Variants in GPHN observed in about 807,000 individuals in gnomAD.
GPHN encodes the protein gephyrin.
A neutral mutation model predicts 95.5 loss-of-function variants in GPHN; 17 were observed. The observed-to-expected ratio is 0.18, with a 90% CI of 0.12 to 0.27. GPHN has a LOEUF of 0.27. GPHN is among the 10% of genes least tolerant of loss of function. The probability of loss-of-function intolerance (pLI) is 1.00; values close to 1 mark genes in which losing one functional copy is unlikely to be tolerated. For synonymous variants in GPHN, 320 were observed against 322.5 expected (o/e 0.99, Z 0.08); for missense variants, 660 against 978.1 (o/e 0.67, Z 4.34).
rs187308370 is a variant in GPHN, at chr14:67,150,616, A to C, written c.1836+7167A>C. ...AGTTTAGGAAAAACCCAAGTGAAAT[A>C]AAATGTATACTTGTGTTATACTTAA... is the stretch of plus-strand genomic sequence containing the variant. On this transcript the variant is annotated intron_variant, in intron 18 of 22. Coordinates refer to ENST00000478722, the MANE Select transcript of GPHN (RefSeq NM_020806.5). Among the ~76,000 whole-genome samples the C allele has an allele frequency of 3.9e-3, 587 of 152,254 alleles. 5 individuals are homozygous for C. Among genetic ancestry groups the C allele is most frequent in the African/African-American group, 0.014 (564 of 41,576 alleles).
chr14:67,651,467 T>C, the GPHN span: 2 of 1,613,848 alleles, frequency 1.2e-6, no homozygotes, highest in Non-Finnish European at 1.7e-6. Context: ...AAGCAGCAGC[T>C]TGTTGGTTGT....
At chr14:66,847,625 T>C (rs370789486) in intron 4 of GPHN, among the ~76,000 whole-genome samples, 23 of 152,200 alleles carry the variant, frequency 1.5e-4, no homozygotes, top group African/African-American at 5.1e-4. Context: ...TAACAAATCA[T>C]CTATTTTTTC....
At chr14:67,334,783 A>T in the GPHN span, 1 of 152,248 alleles carries the variant, frequency 6.6e-6, no homozygotes, top group Admixed American at 6.5e-5. Flanking sequence ...GATTTTTAGC[A>T]TTAAAAACTA....
intron 2 of GPHN, among the ~76,000 whole-genome samples, chr14:66,686,293 G>C (rs1224087787): frequency 6.6e-6 from 1 of 152,168 alleles, no homozygotes; most frequent in Non-Finnish European, 1.5e-5. Context: ...GAAAGTCATG[G>C]TAGCTTGATA....
chr14:67,596,015 C>A, the GPHN span, among the ~76,000 whole-genome samples: 1 of 152,134 alleles, frequency 6.6e-6, no homozygotes. Context: ...ATTATTTATT[C>A]CCTTGATTCT....
At chr14:67,174,956 C>T (rs537048504) in intron 21 of GPHN, among the ~76,000 whole-genome samples, 272 of 152,108 alleles carry the variant, frequency 1.8e-3, no homozygotes, top group African/African-American at 6.3e-3. Context: ...TGTTTAAGTT[C>T]TTTGTAGATT....
intron 3 of GPHN, among the ~76,000 whole-genome samples, chr14:66,808,589 G>C (rs140659962): frequency 0.012 from 1,834 of 152,286 alleles, 19 homozygotes; most frequent in Non-Finnish European, 0.018. Context: ...ACGAGGTCAG[G>C]AGTTTTAGAC....
chr14:66,986,400 A>G (rs894556412), intron 9 of GPHN, among the ~76,000 whole-genome samples: 1 of 152,136 alleles, frequency 6.6e-6, no homozygotes, highest in Non-Finnish European at 1.5e-5. Flanking sequence ...CCATTTGTGT[A>G]TATAACCTGC....
intron 2 of GPHN, among the ~76,000 whole-genome samples, chr14:66,737,890 A>G (rs2072442236): frequency 6.6e-6 from 1 of 152,224 alleles, no homozygotes. Context: ...AAAAAAAGCA[A>G]TTCATTAAAT....
At chr14:66,739,393 T>C (rs1203499662) in intron 2 of GPHN, among the ~76,000 whole-genome samples, 1 of 151,820 alleles carries the variant, frequency 6.6e-6, no homozygotes, top group Non-Finnish European at 1.5e-5. Flanking sequence ...ATTTTTTGTA[T>C]TTTTAGTAAA....
chr14:67,303,827 G>C, the GPHN span, among the ~76,000 whole-genome samples: 1 of 151,602 alleles, frequency 6.6e-6, no homozygotes, highest in Non-Finnish European at 1.5e-5. Context: ...GAGTGCAGTG[G>C]TGTGATCTTG....
intron 9 of GPHN, among the ~76,000 whole-genome samples, chr14:67,019,035 A>C (rs968956468): frequency 6.6e-6 from 1 of 152,224 alleles, no homozygotes; most frequent in Non-Finnish European, 1.5e-5. Flanking sequence ...CACAAAAAGA[A>C]TAAAATGGAT....
intron 4 of GPHN, among the ~76,000 whole-genome samples, chr14:66,843,619 C>A (rs938519081): frequency 2.0e-5 from 3 of 152,238 alleles, no homozygotes; most frequent in Non-Finnish European, 4.4e-5. Context: ...TAAAAAATCA[C>A]TGGCATTGCT....
the GPHN span, chr14:67,662,623 T>C: frequency 1.4e-5 from 16 of 1,181,720 alleles, no homozygotes; most frequent in Non-Finnish European, 1.8e-5. Flanking sequence ...AAGCTTCCTA[T>C]GGCAGGGCCT....
In GPHN at chr14:66,913,636, G is replaced by C. The variant is rs552705484; in HGVS notation, c.390-2367G>C. On this transcript the variant is annotated intron_variant, in intron 5 of 22. Coordinates refer to ENST00000478722, the MANE Select transcript of GPHN (RefSeq NM_020806.5). ...ATTACAGGCATGAGCCACCACACTG[G>C]CTACTTTTTTTTAACCTATGGTACT... is the stretch of plus-strand genomic sequence containing the variant. Among the ~76,000 whole-genome samples the C allele has an allele frequency of 1.5e-4, 23 of 152,152 alleles. 1 individual carries two copies. In the South Asian group the frequency reaches 4.8e-3, roughly 32 times the overall value.
chr14:67,578,656 T>G, the GPHN span: 1 of 1,457,914 alleles, frequency 6.9e-7, no homozygotes, highest in Non-Finnish European at 9.5e-7. This position sits in a 1 kb window ranked among gnomAD's most constrained non-coding sequence, Gnocchi z 5.0. Context: ...CCGTTTCCTC[T>G]GCCACTTGAG....
chr14:67,734,027 C>A, the GPHN span: 2 of 555,996 alleles, frequency 3.6e-6, no homozygotes, highest in African/African-American at 3.8e-5. Context: ...GTGAGACTGG[C>A]TTATGGCATG....
At chr14:67,241,454 AAGGGCCGCCGG>A in the GPHN span, 15 of 152,338 alleles carry the variant, frequency 9.8e-5, no homozygotes, top group Admixed American at 7.9e-4. Flanking sequence ...CCGGAATTTC[AAGGGCCGCCGG>A]AGGGCTGTCG....
chr14:66,852,280 C>T (rs1055599364), intron 4 of GPHN, among the ~76,000 whole-genome samples: 1 of 152,184 alleles, frequency 6.6e-6, no homozygotes, highest in African/African-American at 2.4e-5. Context: ...GTTTTCATTT[C>T]AATTTTTAAA....
Sources: gnomAD v4.1 joint callset for allele counts (sites outside exome capture counted in the v4.1 genomes callset) on GRCh38, gnomAD v4.1.1 for gene constraint, Gnocchi (gnomAD v3.1) non-coding constraint, MANE v1.5 for transcripts, NCBI Gene and HGNC (gene_info 2026-07-23, HGNC 2026-07-21) for gene names.